NF1: variants seen among roughly 807,000 people sequenced by gnomAD.
NF1 encodes the protein neurofibromin.
In NF1, 122 loss-of-function variants were observed where a neutral mutation model predicts 325.7. The ratio of observed to expected loss-of-function variants is 0.37; its 90% CI spans 0.32 to 0.44. The LOEUF is 0.44. Ranked by LOEUF, NF1 falls within the 20% of genes least tolerant of loss-of-function variation. The probability of loss-of-function intolerance (pLI) is 1.00; values close to 1 mark genes in which losing one functional copy is unlikely to be tolerated. For synonymous variants in NF1, 1,091 were observed against 1,186.0 expected, an observed-to-expected ratio of 0.92 and a Z score of 1.65; for missense variants, 2,140 against 3,415.4, an observed-to-expected ratio of 0.63 and a Z score of 9.31.
At chr17:31,097,713 T>C (rs1035883659) in intron 1 of NF1, among the ~76,000 whole-genome samples, 28 of 152,288 alleles carry the variant, frequency 1.8e-4, no homozygotes, top group Non-Finnish European at 4.0e-4. Flanking sequence ...CTTTTTTTTT[T>C]TGAGACAAGG....
At chr17:31,251,415 A>G (rs1361981475) in intron 30 of NF1, 3 of 198,894 alleles carry the variant, frequency 1.5e-5, no homozygotes, top group Non-Finnish European at 3.1e-5. Context: ...CTATTACTTT[A>G]TATACCTTCC....
At chr17:31,172,038 A>G (rs557140062) in intron 5 of NF1, among the ~76,000 whole-genome samples, 1 of 152,262 alleles carries the variant, frequency 6.6e-6, no homozygotes, top group African/African-American at 2.4e-5. Flanking sequence ...AAGGTACAAG[A>G]ATAGGTCAGA....
At chr17:31,232,313 T>G in intron 25 of NF1, 124 bp downstream of exon 25, 1 of 701,990 alleles carries the variant, frequency 1.4e-6, no homozygotes, top group Non-Finnish European at 2.5e-6. Flanking sequence ...TTTTGTGATT[T>G]TTTTAAAGAA....
Position 31,229,850 on chromosome 17 carries a change from A to G in NF1, c.2866A>G (p.Thr956Ala), listed in dbSNP as rs2067082802. Residue 956 changes from threonine (T) to alanine (A), a missense_variant, in exon 22 of 58, where the codon ACC (threonine) becomes GCC (alanine). Around this residue, in one of 10 missense-constraint regions of NF1, gnomAD observed 380 missense variants for 639.3 expected, o/e 0.59. Transcript: ENST00000358273. ...DSQGQVLLTDTNTQFVEQTIA... is the reference protein window; with the variant it reads ...DSQGQVLLTDANTQFVEQTIA... Reference sequence around the variant, plus strand: ...CTTTCTTTAGGTTTTATTGACTGATACCAATACTCAATTTGTAGAACAAAC... The same window carrying G: ...CTTTCTTTAGGTTTTATTGACTGATGCCAATACTCAATTTGTAGAACAAAC... The G allele has an allele frequency of 6.2e-7, 1 of 1,611,650 alleles. No homozygotes were observed. The highest frequency in any genetic ancestry group is 1.7e-5 in the Admixed American group (1 of 59,994).
At chr17:31,095,480 G>C (rs1049271901) in intron 1 of NF1, 111 bp downstream of exon 1, 1 of 983,794 alleles carries the variant, frequency 1.0e-6, no homozygotes, top group Non-Finnish European at 1.4e-6. Flanking sequence ...GGCTCTGGAG[G>C]AAAGGAAGGG....
At chr17:31,302,701 C>T (rs2068603347) in intron 36 of NF1, among the ~76,000 whole-genome samples, 2 of 152,040 alleles carry the variant, frequency 1.3e-5, no homozygotes, top group East Asian at 1.9e-4. Flanking sequence ...CAAAATTAGC[C>T]AGGCGTGGTG....
At chr17:31,149,008 T>C (rs1916755785) in intron 1 of NF1, among the ~76,000 whole-genome samples, 1 of 152,138 alleles carries the variant, frequency 6.6e-6, no homozygotes, top group Non-Finnish European at 1.5e-5. Flanking sequence ...ATTTCATTCT[T>C]CTACTGTTTT....
rs1482571684 is a variant in NF1 at position 31,181,801 on chromosome 17, A to C, written c.730+16A>C. 1 of 1,218,592 alleles carries C rather than the reference A, an allele frequency of 8.2e-7. No individual in the cohort carries two copies. Among genetic ancestry groups the C allele is most frequent in the Non-Finnish European group, 1.2e-6 (1 of 853,106 alleles). 75.5% of individuals were successfully genotyped at this position (1,218,592 alleles called of 1,614,324 possible). A position where few individuals can be genotyped will look rare whatever the true frequency, so the allele number is the denominator to read the frequency against. On this transcript the variant is annotated intron_variant, in intron 7 of 57. Transcript: ENST00000358273. ...GATATGGCTGGTAAGGATACGATTG[A>C]TTTTTTTTTTTTTTTTGTCTTTTAA... is the stretch of plus-strand genomic sequence containing the variant.
intron 1 of NF1, among the ~76,000 whole-genome samples, chr17:31,099,509 T>C (rs1912102981): frequency 6.6e-6 from 1 of 151,668 alleles, no homozygotes; most frequent in African/African-American, 2.4e-5. Context: ...GCCTTCGTGG[T>C]GCCAAATAGC....
intron 4 of NF1, among the ~76,000 whole-genome samples, chr17:31,169,373 G>A (rs562090223): frequency 7.2e-5 from 11 of 152,192 alleles, no homozygotes; most frequent in African/African-American, 2.2e-4. Flanking sequence ...ACGATGCTAC[G>A]TTTACTGAAT....
chr17:31,115,189 G>C (rs1257837531), intron 1 of NF1, among the ~76,000 whole-genome samples: 1 of 152,142 alleles, frequency 6.6e-6, no homozygotes, highest in Non-Finnish European at 1.5e-5. Context: ...TTTCGTGGGG[G>C]TGGGGGAATG....
At chr17:31,345,347 G>T (rs1282132771) in intron 48 of NF1, among the ~76,000 whole-genome samples, 4 of 152,226 alleles carry the variant, frequency 2.6e-5, no homozygotes, top group African/African-American at 9.6e-5. Flanking sequence ...GCGCTGGGCT[G>T]AGGGGAGGGG....
At chr17:31,095,876 A>G (rs1911653950) in intron 1 of NF1, among the ~76,000 whole-genome samples, 2 of 151,868 alleles carry the variant, frequency 1.3e-5, no homozygotes, top group South Asian at 4.2e-4. Context: ...CCCCTCCCCC[A>G]GTTTCTTCAG....
rs1597608739 is a variant in NF1 at position 31,141,059 on chromosome 17, T to C, written c.61-14924T>C. Among the ~76,000 whole-genome samples, 3 of 152,334 alleles carry C rather than the reference T, an allele frequency of 2.0e-5. 1 individual carries two copies. Among genetic ancestry groups the C allele is most frequent in the Admixed American group, 2.0e-4 (3 of 15,310 alleles). On this transcript the variant is annotated intron_variant, in intron 1 of 57. Transcript: ENST00000358273. ...GACTATAGTTAATAAAACAAAACTG[T>C]ATTAAGGATTTTTATTAAGTAATTT...
At chr17:31,357,411 C>T (rs2151583628) in intron 54 of NF1, 42 bp downstream of exon 54, 3 of 1,488,794 alleles carry the variant, frequency 2.0e-6, no homozygotes, top group Non-Finnish European at 2.8e-6. Flanking sequence ...TCGTGCCTGT[C>T]TTTAAGTTAA....
At chr17:31,267,793 A>C (rs192808597) in intron 36 of NF1, among the ~76,000 whole-genome samples, 186 of 152,278 alleles carry the variant, frequency 1.2e-3, no homozygotes, top group Non-Finnish European at 1.6e-3. Flanking sequence ...TTCACACCGT[A>C]TTTCTGTTTC....
At chr17:31,247,700 A>G (rs1435741291) in intron 29 of NF1, among the ~76,000 whole-genome samples, 3 of 152,234 alleles carry the variant, frequency 2.0e-5, no homozygotes, top group African/African-American at 7.2e-5. Flanking sequence ...TCTTATGTGC[A>G]AGAATGTTCA....
intron 1 of NF1, among the ~76,000 whole-genome samples, chr17:31,151,754 T>C (rs1245839805): frequency 6.6e-6 from 1 of 152,198 alleles, no homozygotes; most frequent in African/African-American, 2.4e-5. Context: ...ACCTGTTCAG[T>C]ACAGACATAC....
At chr17:31,241,409 G>C (rs1323398951) in intron 29 of NF1, among the ~76,000 whole-genome samples, 1 of 152,018 alleles carries the variant, frequency 6.6e-6, no homozygotes, top group Non-Finnish European at 1.5e-5. Context: ...GTGGTTTTGT[G>C]GTCTTCTCTT....
Sources: gnomAD v4.1 joint callset for allele counts (sites outside exome capture counted in the v4.1 genomes callset) on GRCh38, gnomAD v4.1.1 for gene constraint, gnomAD v4.1.1 regional missense constraint, MANE v1.5 for transcripts, NCBI Gene and HGNC (gene_info 2026-07-23, HGNC 2026-07-21) for gene names.